The following GOT1 variants were observed in gnomAD, a reference collection of about 807,000 sequenced individuals.
GOT1 encodes glutamic-oxaloacetic transaminase 1.
GOT1 carries 25 observed loss-of-function variants against 48.2 expected under a neutral mutation model. That is an observed-to-expected ratio of 0.52 (90% CI 0.38 to 0.72). The LOEUF is 0.72. Ranked by LOEUF, GOT1 falls within the 30% of genes least tolerant of loss-of-function variation. GOT1 has a pLI of 0.00. For missense variants in GOT1, 380 were observed against 520.1 expected (o/e 0.73, Z 2.62); for synonymous variants, 188 against 193.8 (o/e 0.97, Z 0.25).
At chr10:99,419,815 C>G (rs911585109) in intron 2 of GOT1, among the ~76,000 whole-genome samples, 2 of 152,186 alleles carry the variant, frequency 1.3e-5, no homozygotes, top group Non-Finnish European at 2.9e-5. Flanking sequence ...TAAGATTCAG[C>G]TCAAGTGCCA....
At chr10:99,410,667 C>T (rs2032817303) in intron 2 of GOT1, among the ~76,000 whole-genome samples, 1 of 152,192 alleles carries the variant, frequency 6.6e-6, no homozygotes, top group African/African-American at 2.4e-5. Context: ...TTGCTCTAAA[C>T]ATCAGCAACT....
chr10:99,409,198 T>A lies in GOT1; in HGVS notation c.301-2349A>T, dbSNP rs374782624. Among the ~76,000 whole-genome samples the A allele has an allele frequency of 1.1e-4, 17 of 152,172 alleles. No individual in the cohort carries two copies. In the East Asian group the frequency reaches 2.7e-3, roughly 24 times the overall value. On this transcript the variant is annotated intron_variant, in intron 2 of 8. Transcript: ENST00000370508. Reference sequence around the variant, plus strand: ...CCCAGGCTGGAGTGCAGTGGCACGATCTTGGCTTACTGCAACCTCCGCCTC... The same window carrying A: ...CCCAGGCTGGAGTGCAGTGGCACGAACTTGGCTTACTGCAACCTCCGCCTC...
intron 1 of GOT1, chr10:99,430,217 T>C (rs1264319478): frequency 8.1e-7 from 1 of 1,239,872 alleles, no homozygotes; most frequent in African/African-American, 1.5e-5. Context: ...TCTTGGCTGC[T>C]ACACCTGGTT....
Position 99,420,776 on chromosome 10 carries a change from C to G in GOT1, c.148G>C (p.Val50Leu). 6.2e-7 allele frequency: 1 copy of G among 1,613,980 alleles called. No individual in the cohort carries two copies. The highest frequency in any genetic ancestry group is 8.5e-7 in the Non-Finnish European group (1 of 1,179,906). Residue 50 changes from valine to leucine, a missense_variant, in exon 2 of 9, where the codon GTT (valine) becomes CTT (leucine). By Grantham distance (32) the Val-to-Leu change is conservative. Transcript: ENST00000370508. ...AYRTDDCHPW[V>L]LPVVKKVEQK... ...TCCACTTTCTTCACTACTGGCAAAACCCAGGGATGGCAGTCATCCGTGCGA... is the reference window on the plus strand; with the variant it reads ...TCCACTTTCTTCACTACTGGCAAAAGCCAGGGATGGCAGTCATCCGTGCGA...
chr10:99,406,169 A>G lies in GOT1; in HGVS notation c.505T>C (p.Leu169=), dbSNP rs146735665. 1.1e-5 allele frequency: 17 copies of G among 1,613,152 alleles called. No homozygotes were observed. The highest frequency in any genetic ancestry group is 5.5e-5 in the South Asian group (5 of 91,056). ...TCATTCAGGAAGCCCTGGAGGTCCA[A>G]TCCTCTCTTCTCTGCATCCCAGTAG... The part of the protein sequence containing the change: ...YRYWDAEKRG[L]DLQGFLNDLE... The change falls in exon 4 of 9, where the codon TTG becomes CTG. Residue 169 remains leucine, a synonymous_variant. Transcript: ENST00000370508.
At chr10:99,424,531 C>T (rs898676432) in intron 1 of GOT1, among the ~76,000 whole-genome samples, 2 of 152,124 alleles carry the variant, frequency 1.3e-5, no homozygotes, top group African/African-American at 4.8e-5. Context: ...TATATCTATT[C>T]TATAACATTA....
At position 99,430,599 on chromosome 10, in the gene GOT1, A is replaced by G. The variant is rs769347810; in HGVS notation, c.-34T>C. ...ACTAGGAATCAAGAGATTTCACCCC[A>G]CGCCCGGAGCTGGCAGGTCAGGTCT... On this transcript the variant is annotated 5_prime_UTR_variant, in exon 1 of 9. Transcript: ENST00000370508. 10 of 1,530,550 alleles carry G rather than the reference A, an allele frequency of 6.5e-6. No individual in the cohort carries two copies. In the Admixed American group the frequency reaches 7.5e-5, roughly 12 times the overall value. 94.8% of individuals were successfully genotyped at this position (1,530,550 alleles called of 1,614,324 possible).
chr10:99,413,598 A>G (rs2032855350), intron 2 of GOT1, among the ~76,000 whole-genome samples: 1 of 152,180 alleles, frequency 6.6e-6, no homozygotes, highest in South Asian at 2.1e-4. Context: ...AATGCCATGA[A>G]GATACTCCTC....
At chr10:99,419,669 T>C (rs566412906) in intron 2 of GOT1, among the ~76,000 whole-genome samples, 1 of 152,242 alleles carries the variant, frequency 6.6e-6, no homozygotes, top group East Asian at 1.9e-4. Flanking sequence ...GGGTGGTGCC[T>C]CCAAGATTCT....
At chr10:99,423,438 C>A (rs1247268653) in intron 1 of GOT1, among the ~76,000 whole-genome samples, 4 of 152,052 alleles carry the variant, frequency 2.6e-5, no homozygotes, top group Non-Finnish European at 4.4e-5. Flanking sequence ...AGTAAAAAGA[C>A]TTTATAAGAT....
chr10:99,410,943 T>G (rs1296919950), intron 2 of GOT1, among the ~76,000 whole-genome samples: 1 of 152,162 alleles, frequency 6.6e-6, no homozygotes, highest in Non-Finnish European at 1.5e-5. Flanking sequence ...AGCATAAGAT[T>G]GCTGGATTCT....
At position 99,430,467 on chromosome 10, in the gene GOT1, C is replaced by T; in HGVS notation, c.99G>A (p.Lys33=). The T allele has an allele frequency of 6.2e-7, 1 of 1,610,386 alleles. No homozygotes were observed. Among genetic ancestry groups the T allele is most frequent in the Non-Finnish European group, 8.5e-7 (1 of 1,177,656 alleles). Residue 33 remains lysine (K), a synonymous_variant, in exon 1 of 9, where the codon AAG becomes AAA. Transcript: ENST00000370508. ...CCTTACCTCCCACTCCCAGGTTGAC[C>T]TTGCGGGGGTCCGGATCCTCCCTGA... ...ADFREDPDPR[K]VNLGVGAYRT... is the part of the protein sequence containing the mutation.
chr10:99,427,425 C>T (rs1170650961), intron 1 of GOT1, among the ~76,000 whole-genome samples: 6 of 152,178 alleles, frequency 3.9e-5, no homozygotes, highest in Admixed American at 1.3e-4. Context: ...CCCGCCACCA[C>T]GCCCTGCTAA....
chr10:99,406,926 G>A (rs1235140012), intron 2 of GOT1, 77 bp from the exon 3 acceptor site: 19 of 1,379,490 alleles, frequency 1.4e-5, no homozygotes, highest in South Asian at 1.2e-4. Flanking sequence ...GTAATAATGA[G>A]CACTTACTCT....
At chr10:99,411,640 C>T (rs1030220779) in intron 2 of GOT1, among the ~76,000 whole-genome samples, 1 of 152,162 alleles carries the variant, frequency 6.6e-6, no homozygotes, top group Non-Finnish European at 1.5e-5. Flanking sequence ...CATTTTCTTA[C>T]TGATATAGTC....
intron 2 of GOT1, among the ~76,000 whole-genome samples, chr10:99,419,210 TTACAGGC>T (rs1252778106): frequency 6.6e-6 from 1 of 152,186 alleles, no homozygotes; most frequent in Non-Finnish European, 1.5e-5. Flanking sequence ...AATGCATGAA[TTACAGGC>T]TACATCACAA....
chr10:99,398,012 G>A lies in GOT1; in HGVS notation c.1103-326C>T, dbSNP rs1350489533. On this transcript the variant is annotated intron_variant, in intron 8 of 8. Coordinates refer to ENST00000370508, the MANE Select transcript of GOT1 (RefSeq NM_002079.3). ...TATCACCTAAAAACAACCATCAGACGGACAGCGATATGAAATGCTGGCTAT... is the reference window on the plus strand; with the variant it reads ...TATCACCTAAAAACAACCATCAGACAGACAGCGATATGAAATGCTGGCTAT... Among the ~76,000 whole-genome samples the A allele has an allele frequency of 2.6e-5, 4 of 152,094 alleles. No homozygotes were observed. In the South Asian group the frequency reaches 6.2e-4, roughly 24 times the overall value.
At chr10:99,410,074 G>C (rs542832007) in intron 2 of GOT1, among the ~76,000 whole-genome samples, 8 of 152,332 alleles carry the variant, frequency 5.3e-5, no homozygotes, top group Admixed American at 1.3e-4. Context: ...GTGTGTGTCA[G>C]ATTTGGTGTG....
At chr10:99,399,006 C>A (rs1161211896) in intron 8 of GOT1, among the ~76,000 whole-genome samples, 2 of 152,114 alleles carry the variant, frequency 1.3e-5, no homozygotes, top group African/African-American at 4.8e-5. Flanking sequence ...AAATCTGGAC[C>A]CTGGACTCAG....
Sources: allele counts gnomAD v4.1 joint callset (sites outside exome capture counted in the v4.1 genomes callset), GRCh38; gene constraint gnomAD v4.1.1; transcripts MANE v1.5; gene names NCBI Gene and HGNC (gene_info 2026-07-23, HGNC 2026-07-21).